Variants in CEP192 observed in about 807,000 individuals in gnomAD.
The protein encoded by CEP192 is centrosomal protein 192.
A neutral mutation model predicts 271.8 loss-of-function variants in CEP192; 151 were observed. That is an observed-to-expected ratio of 0.56 (90% CI 0.49 to 0.64). CEP192 has a LOEUF of 0.64. Ranked by LOEUF, CEP192 falls within the 30% of genes least tolerant of loss-of-function variation. The pLI is 0.00. For synonymous variants in CEP192, 995 were observed against 1,076.5 expected (o/e 0.92, Z 1.48); for missense variants, 2,910 against 3,020.5 (o/e 0.96, Z 0.86).
At chr18:13,111,282 G>T (rs7234334) in intron 40 of CEP192, among the ~76,000 whole-genome samples, 14 of 152,206 alleles carry the variant, frequency 9.2e-5, no homozygotes, top group Non-Finnish European at 7.4e-5. Flanking sequence ...CCACCACCAC[G>T]CCTGGCTAAT....
chr18:13,118,129 C>G (rs560873361), intron 44 of CEP192, among the ~76,000 whole-genome samples: 9 of 152,262 alleles, frequency 5.9e-5, no homozygotes, highest in Admixed American at 4.6e-4. Context: ...ATTTTCTTGT[C>G]GCTCTTGCTA....
chr18:13,011,043 A>G (rs2034318685), intron 4 of CEP192, among the ~76,000 whole-genome samples: 1 of 152,026 alleles, frequency 6.6e-6, no homozygotes, highest in Non-Finnish European at 1.5e-5. Flanking sequence ...CCTGGCCAAC[A>G]TGGTGAACCC....
At chr18:13,073,317 T>A in intron 30 of CEP192, 132 bp downstream of exon 30, 1 of 798,236 alleles carries the variant, frequency 1.3e-6, no homozygotes, top group Non-Finnish European at 2.0e-6. Flanking sequence ...TACAAACAAG[T>A]TAGGGAGTAA....
Position 13,030,601 on chromosome 18 carries a change from A to G in CEP192, c.1527A>G (p.Arg509=). ...SLSDEMNEDF[R]SGSEAFDLIA... ...GTGATGAGATGAATGAAGACTTCAG[A>G]TCTGGTTGTAAGTATATGGATAAAC... Residue 509 remains arginine, a synonymous_variant, in exon 11 of 45, where the codon AGA becomes AGG. Coordinates refer to ENST00000506447, the MANE Select transcript of CEP192 (RefSeq NM_032142.4). The G allele has an allele frequency of 6.2e-7, 1 of 1,606,022 alleles. No homozygotes were observed. The highest frequency in any genetic ancestry group is 8.5e-7 in the Non-Finnish European group (1 of 1,173,928).
intron 30 of CEP192, among the ~76,000 whole-genome samples, chr18:13,084,340 C>T (rs1018011692): frequency 4.6e-5 from 7 of 152,202 alleles, no homozygotes; most frequent in African/African-American, 1.7e-4. Flanking sequence ...GTGGATGCCC[C>T]TCCCCCCGTC....
chr18:13,001,361 G>A, intron 2 of CEP192, 96 bp from the exon 3 acceptor site: 1 of 763,836 alleles, frequency 1.3e-6, no homozygotes, highest in South Asian at 2.0e-5. Flanking sequence ...TTTTACCCCG[G>A]TGGTTGGTTT....
rs1253911555 is a variant in CEP192 at position 13,030,575 on chromosome 18, A to G, written c.1501A>G (p.Ser501Gly). 1.2e-6 allele frequency: 2 copies of G among 1,611,520 alleles called. No individual in the cohort carries two copies. The highest frequency in any genetic ancestry group is 1.7e-6 in the Non-Finnish European group (2 of 1,178,016). ...CAAACAAAATTTAAATGTGTCTCTA[A>G]GTGATGAGATGAATGAAGACTTCAG... ...NSKQNLNVSLSDEMNEDFRSG... is the reference protein window; with the variant it reads ...NSKQNLNVSLGDEMNEDFRSG... Residue 501 changes from serine (S) to glycine (G), a missense_variant, in exon 11 of 45, where the codon AGT (serine) becomes GGT (glycine). Physicochemically the swap from Ser to Gly is moderately conservative, Grantham distance 56. Coordinates refer to ENST00000506447, the MANE Select transcript of CEP192 (RefSeq NM_032142.4).
chr18:13,070,972 C>A (rs1400671776), intron 27 of CEP192, 67 bp from the exon 28 acceptor site: 4 of 1,323,824 alleles, frequency 3.0e-6, no homozygotes, highest in Non-Finnish European at 4.3e-6. Context: ...ACAATGGAAA[C>A]ATATAGGAAA....
Position 13,109,402 on chromosome 18 carries a change from A to G in CEP192, c.7048-4184A>G, listed in dbSNP as rs575989526. ...AAACTGGGGACTACTGGAAGTGGGA[A>G]AAGGGCTGAAAAATTAACTATTGGG... On this transcript the variant is annotated intron_variant, in intron 40 of 44. Coordinates refer to ENST00000506447, the MANE Select transcript of CEP192 (RefSeq NM_032142.4). Among the ~76,000 whole-genome samples the G allele has an allele frequency of 2.0e-5, 3 of 152,298 alleles. No individual in the cohort carries two copies. The South Asian group carries it at 6.2e-4, about 32-fold the overall frequency.
intron 32 of CEP192, chr18:13,088,624 A>G (rs1327962677): frequency 5.3e-6 from 1 of 188,058 alleles, no homozygotes; most frequent in Non-Finnish European, 1.1e-5. Context: ...ATGGTGTGTC[A>G]TCTGCTAATA....
At chr18:13,059,687 G>A (rs2037304724) in intron 21 of CEP192, among the ~76,000 whole-genome samples, 1 of 152,106 alleles carries the variant, frequency 6.6e-6, no homozygotes, top group Non-Finnish European at 1.5e-5. Flanking sequence ...CTATTTTCTG[G>A]AAGCCAAAGA....
At chr18:13,072,511 G>A (rs1017177880) in intron 28 of CEP192, among the ~76,000 whole-genome samples, 4 of 152,108 alleles carry the variant, frequency 2.6e-5, no homozygotes, top group Admixed American at 1.3e-4. Flanking sequence ...TTAATAATAA[G>A]GTCAGCTGCA....
chr18:13,005,502 T>C (rs2033925368), intron 3 of CEP192, among the ~76,000 whole-genome samples: 1 of 152,210 alleles, frequency 6.6e-6, no homozygotes, highest in Non-Finnish European at 1.5e-5. Context: ...GAGGGCATCT[T>C]GAGGGTATCC....
chr18:13,048,352 C>T lies in CEP192; in HGVS notation c.2068-507C>T, dbSNP rs1598444152. ...ACTTAGTAGTGTTTGGTGATCAGAT[C>T]GACTCTAGGGATGTTGCAGTGCTTG... is the stretch of plus-strand genomic sequence containing the variant. On this transcript the variant is annotated intron_variant, in intron 15 of 44. Coordinates refer to ENST00000506447, the MANE Select transcript of CEP192 (RefSeq NM_032142.4). Among the ~76,000 whole-genome samples the T allele has an allele frequency of 2.0e-5, 3 of 152,236 alleles. No individual in the cohort carries two copies. In the South Asian group the frequency reaches 6.2e-4, roughly 32 times the overall value.
At chr18:13,066,116 C>G (rs1308986772) in intron 21 of CEP192, among the ~76,000 whole-genome samples, 1 of 152,216 alleles carries the variant, frequency 6.6e-6, no homozygotes, top group Non-Finnish European at 1.5e-5. Flanking sequence ...CAAACTCCTT[C>G]AACTAGATAA....
intron 9 of CEP192, among the ~76,000 whole-genome samples, chr18:13,025,898 C>G (rs1006608736): frequency 6.6e-6 from 1 of 152,076 alleles, no homozygotes; most frequent in Non-Finnish European, 1.5e-5. Context: ...GTTATTAGAC[C>G]AGTTAAAAAT....
At chr18:13,026,502 C>T (rs1033739262) in intron 9 of CEP192, among the ~76,000 whole-genome samples, 3 of 151,988 alleles carry the variant, frequency 2.0e-5, no homozygotes, top group African/African-American at 7.3e-5. Flanking sequence ...TTCTGTTTGT[C>T]TTCTCTTTTT....
intron 26 of CEP192, 33 bp from the exon 27 acceptor site, chr18:13,069,705 G>A (rs569543346): frequency 3.1e-5 from 40 of 1,271,664 alleles, no homozygotes; most frequent in African/African-American, 4.6e-5. Context: ...TTTGTAAGTC[G>A]GCATTCAATT....
At chr18:13,073,409 A>T (rs976965581) in intron 30 of CEP192, among the ~76,000 whole-genome samples, 2 of 152,208 alleles carry the variant, frequency 1.3e-5, no homozygotes, top group African/African-American at 4.8e-5. Flanking sequence ...TAATGCTTTT[A>T]AGTTTCATTT....
Sources: gnomAD v4.1 joint callset for allele counts (sites outside exome capture counted in the v4.1 genomes callset) on GRCh38, gnomAD v4.1.1 for gene constraint, MANE v1.5 for transcripts, NCBI Gene and HGNC (gene_info 2026-07-23, HGNC 2026-07-21) for gene names.